The following TLL2 variants were observed in gnomAD, a reference collection of about 807,000 sequenced individuals.
TLL2 encodes the protein tolloid-like protein 2.
Under a neutral mutation model 123.0 loss-of-function variants are expected in TLL2, and 106 were observed. The observed-to-expected ratio is 0.86, with a 90% confidence interval of 0.74 to 1.01. The LOEUF (loss-of-function observed/expected upper bound fraction) is 1.01. Among genes scored for constraint, TLL2 ranks in the 50% least tolerant of loss-of-function variants. The pLI is 0.00. For missense variants in TLL2, 1,332 were observed against 1,336.7 expected (o/e 1.00, Z 0.06); for synonymous variants, 494 against 516.8 (o/e 0.96, Z 0.60).
chr10:96,422,202 A>G (rs1439520934), intron 6 of TLL2, among the ~76,000 whole-genome samples: 1 of 151,458 alleles, frequency 6.6e-6, no homozygotes, highest in Non-Finnish European at 1.5e-5. Flanking sequence ...AGCAGCCAGG[A>G]GAACTCTTTT....
chr10:96,508,877 A>G (rs1208014764), intron 1 of TLL2, among the ~76,000 whole-genome samples: 3 of 152,056 alleles, frequency 2.0e-5, no homozygotes, highest in Non-Finnish European at 4.4e-5. Context: ...CATGATATTG[A>G]CATGCCTCCC....
intron 1 of TLL2, among the ~76,000 whole-genome samples, chr10:96,482,257 C>CAA (rs34832390): frequency 1.5e-3 from 137 of 93,352 alleles, no homozygotes; most frequent in African/African-American, 3.4e-3. Context: ...GACTACGTCT[C>CAA]AAAAAAAAAA....
At position 96,485,608 on chromosome 10, in the gene TLL2, T is replaced by C. The variant is rs74151357; in HGVS notation, c.176-5149A>G. On this transcript the variant is annotated intron_variant, in intron 1 of 20. Transcript: ENST00000357947. ...AATGAAGTACCACTTCACAGCCATT[T>C]GGATGGCTAGAATAAAAAATTAGAA... Among the ~76,000 whole-genome samples the C allele has an allele frequency of 4.3e-3, 656 of 152,352 alleles. 3 individuals carry two copies. Among genetic ancestry groups the C allele is most frequent in the Middle Eastern group, 0.017 (5 of 294 alleles).
intron 10 of TLL2, among the ~76,000 whole-genome samples, chr10:96,399,162 C>G (rs983188764): frequency 6.6e-6 from 1 of 152,168 alleles, no homozygotes; most frequent in Non-Finnish European, 1.5e-5. Context: ...TGAGCCACCG[C>G]GCCTGGCTGT....
intron 5 of TLL2, among the ~76,000 whole-genome samples, chr10:96,424,187 G>T: frequency 6.6e-6 from 1 of 152,010 alleles, no homozygotes; most frequent in South Asian, 2.1e-4. Flanking sequence ...TGGGGAAGGT[G>T]GAGATGGTTA....
chr10:96,480,278 A>T (rs2281801), intron 2 of TLL2, 71 bp downstream of exon 2: 1,138,268 of 1,303,416 alleles, frequency 0.87, 497,543 homozygotes, highest in Middle Eastern at 0.92. Flanking sequence ...TGACTCGTGG[A>T]CCACATCTCC....
intron 2 of TLL2, among the ~76,000 whole-genome samples, chr10:96,447,796 A>G (rs1259075311): frequency 6.6e-6 from 1 of 152,156 alleles, no homozygotes. Context: ...TTATCAGAAC[A>G]CTTTATGTGT....
At chr10:96,405,744 C>T (rs904715818) in intron 9 of TLL2, among the ~76,000 whole-genome samples, 1 of 152,140 alleles carries the variant, frequency 6.6e-6, no homozygotes, top group Non-Finnish European at 1.5e-5. Context: ...GGGGTTAGCC[C>T]GAGTGCATCT....
At chr10:96,486,639 G>A (rs7093253) in intron 1 of TLL2, among the ~76,000 whole-genome samples, 2,851 of 152,314 alleles carry the variant, frequency 0.019, 100 homozygotes, top group African/African-American at 0.066. Flanking sequence ...GAAGGGCCAC[G>A]TGCCCAGCAT....
chr10:96,496,294 G>T (rs1589436704), intron 1 of TLL2, among the ~76,000 whole-genome samples: 1 of 152,344 alleles, frequency 6.6e-6, no homozygotes, highest in East Asian at 1.9e-4. Context: ...AATGGTGCAT[G>T]AGTTGAGACC....
chr10:96,425,377 G>A (rs1846669802), intron 5 of TLL2, among the ~76,000 whole-genome samples: 1 of 151,392 alleles, frequency 6.6e-6, no homozygotes, highest in Admixed American at 6.6e-5. Context: ...ACATACACAT[G>A]TACGTATATA....
chr10:96,399,796 A>C (rs1589412217), intron 10 of TLL2, among the ~76,000 whole-genome samples: 1 of 152,234 alleles, frequency 6.6e-6, no homozygotes, highest in Admixed American at 6.5e-5. Context: ...CCCAGCTGTC[A>C]CAGCCACTGA....
intron 2 of TLL2, among the ~76,000 whole-genome samples, chr10:96,465,944 T>C (rs369053415): frequency 6.6e-6 from 1 of 152,216 alleles, no homozygotes; most frequent in African/African-American, 2.4e-5. Context: ...GATTTTTAAA[T>C]GTTGGCAGTA....
intron 20 of TLL2, among the ~76,000 whole-genome samples, chr10:96,368,929 C>T (rs577190582): frequency 6.6e-6 from 1 of 152,340 alleles, no homozygotes; most frequent in South Asian, 2.1e-4. Flanking sequence ...AAGATTTTAT[C>T]AAAGGCAGTG....
chr10:96,446,206 C>T, intron 2 of TLL2, 38 bp from the exon 3 acceptor site: 1 of 1,600,006 alleles, frequency 6.2e-7, no homozygotes, highest in African/African-American at 1.3e-5. Flanking sequence ...GAGGACACAT[C>T]AGCCTTCTCT....
intron 18 of TLL2, chr10:96,375,382 A>G (rs1846128580): frequency 6.6e-6 from 1 of 152,192 alleles, no homozygotes; most frequent in South Asian, 2.1e-4. Context: ...TTTGGAAACT[A>G]CCACGTGAGT....
At chr10:96,410,094 T>C (rs767793212) in intron 9 of TLL2, among the ~76,000 whole-genome samples, 1 of 152,180 alleles carries the variant, frequency 6.6e-6, no homozygotes, top group Non-Finnish European at 1.5e-5. Context: ...GATATTATAA[T>C]AGTGTATTTG....
At chr10:96,404,710 G>T (rs1003697746) in intron 10 of TLL2, among the ~76,000 whole-genome samples, 2 of 151,856 alleles carry the variant, frequency 1.3e-5, no homozygotes, top group African/African-American at 4.8e-5. Context: ...CATTTGCAAT[G>T]CCTGCATTAT....
Position 96,370,250 on chromosome 10 carries a change from C to A in TLL2, c.2728G>T (p.Asp910Tyr). The change falls in exon 20 of 21, where the codon GAC (aspartate) becomes TAC (tyrosine). Residue 910 changes from aspartate to tyrosine, a missense_variant. Coordinates refer to ENST00000357947, the MANE Select transcript of TLL2 (RefSeq NM_012465.4). ...CGGGCCTCGCTCGGGTAGTTGTTGTCCCCAAACTGGGCGTGGGAATAGAGC... is the reference window on the plus strand; with the variant it reads ...CGGGCCTCGCTCGGGTAGTTGTTGTACCCAAACTGGGCGTGGGAATAGAGC... The part of the protein sequence containing the change: ...KELYSHAQFG[D>Y]NNYPSEARCD... 1 of 1,612,956 alleles carries A rather than the reference C, an allele frequency of 6.2e-7. No homozygotes were observed. Among genetic ancestry groups the A allele is most frequent in the Non-Finnish European group, 8.5e-7 (1 of 1,179,384 alleles).
Sources: allele counts gnomAD v4.1 joint callset (sites outside exome capture counted in the v4.1 genomes callset), GRCh38; gene constraint gnomAD v4.1.1; transcripts MANE v1.5; gene names NCBI Gene and HGNC (gene_info 2026-07-23, HGNC 2026-07-21).